WARS2: variants seen among roughly 807,000 people sequenced by gnomAD.
The protein encoded by WARS2 is tryptophan--tRNA ligase, mitochondrial.
A neutral mutation model predicts 36.5 loss-of-function variants in WARS2; 28 were observed. The ratio of observed to expected loss-of-function variants is 0.77; its 90% confidence interval spans 0.57 to 1.05. The LOEUF (loss-of-function observed/expected upper bound fraction) is 1.05, where lower values mean the gene tolerates loss of function less well. WARS2 is among the 50% of genes least tolerant of loss of function. WARS2 has a pLI of 0.00. For missense variants in WARS2, 435 were observed against 456.8 expected, an observed-to-expected ratio of 0.95 and a Z score of 0.44; for synonymous variants, 174 against 178.4, an observed-to-expected ratio of 0.98 and a Z score of 0.20.
intron 2 of WARS2, among the ~76,000 whole-genome samples, chr1:119,047,775 A>C (rs2645302): frequency 0.31 from 46,402 of 152,114 alleles, 7,931 homozygotes; most frequent in African/African-American, 0.47. Context: ...TGTGAAACCA[A>C]AAACAAACTA....
rs73013164 is a variant in WARS2 at position 119,043,454 on chromosome 1, C to T, written c.430-1105G>A. On this transcript the variant is annotated intron_variant, in intron 3 of 5. Transcript: ENST00000235521. ...TCAGTCTGAAAATACAACAGCTTCTCTCCTTAGCCATCTTAATTTTGGTGT... is the reference window on the plus strand; with the variant it reads ...TCAGTCTGAAAATACAACAGCTTCTTTCCTTAGCCATCTTAATTTTGGTGT... Among the ~76,000 whole-genome samples the T allele has an allele frequency of 7.9e-3, 1,202 of 152,312 alleles. 22 individuals are homozygous for T. Among genetic ancestry groups the T allele is most frequent in the African/African-American group, 0.027 (1,125 of 41,562 alleles).
At chr1:119,136,508 G>A (rs979754376) in intron 1 of WARS2, among the ~76,000 whole-genome samples, 9 of 152,268 alleles carry the variant, frequency 5.9e-5, no homozygotes, top group South Asian at 2.1e-4. Context: ...GTGGATCCAC[G>A]CAACACCTTT....
intron 2 of WARS2, among the ~76,000 whole-genome samples, chr1:119,051,881 C>G (rs957851265): frequency 5.6e-4 from 84 of 151,224 alleles, no homozygotes; most frequent in Non-Finnish European, 1.8e-4. Context: ...GCCTTACCCT[C>G]CCAAGTAGCT....
chr1:119,033,256 C>G lies in WARS2; in HGVS notation c.738G>C (p.Glu246Asp). 6.2e-7 allele frequency: 1 copy of G among 1,614,262 alleles called. No homozygotes were observed. The highest frequency in any genetic ancestry group is 8.5e-7 in the Non-Finnish European group (1 of 1,180,046). ...ATVRITDSPE[E>D]IVQKFRKAVT... The stretch of plus-strand genomic sequence containing the variant: ...CAGCCTTGCGGAATTTCTGCACTAT[C>G]TCCTCTGGGCTGTCTGTTATTCGGA... The change falls in exon 6 of 6, where the codon GAG (glutamate) becomes GAC (aspartate). Residue 246 changes from glutamate (E) to aspartate (D), a missense_variant. Glu to Asp is a conservative substitution (Grantham distance 45). Coordinates refer to ENST00000235521, the MANE Select transcript of WARS2 (RefSeq NM_015836.4).
At chr1:119,041,711 G>A (rs1462980417) in intron 4 of WARS2, among the ~76,000 whole-genome samples, 1 of 152,180 alleles carries the variant, frequency 6.6e-6, no homozygotes, top group African/African-American at 2.4e-5. Context: ...CTATTGGACA[G>A]CATTGCTTTA....
intron 1 of WARS2, among the ~76,000 whole-genome samples, chr1:119,078,914 G>C (rs1426539086): frequency 6.6e-6 from 1 of 151,340 alleles, no homozygotes; most frequent in African/African-American, 2.4e-5. Context: ...GTGTGTGTGT[G>C]TGTGTGCATA....
At chr1:119,114,307 G>T (rs1654829180) in intron 1 of WARS2, among the ~76,000 whole-genome samples, 1 of 152,146 alleles carries the variant, frequency 6.6e-6, no homozygotes, top group African/African-American at 2.4e-5. Context: ...GTGCCCAAAT[G>T]GAAGCTATGA....
chr1:119,044,465 T>A (rs2101126874), intron 3 of WARS2, among the ~76,000 whole-genome samples: 1 of 152,334 alleles, frequency 6.6e-6, no homozygotes, highest in South Asian at 2.1e-4. Context: ...TGAAACTTTG[T>A]TTCTAATTTG....
chr1:119,103,048 C>T (rs1653983933), intron 1 of WARS2, among the ~76,000 whole-genome samples: 1 of 152,132 alleles, frequency 6.6e-6, no homozygotes, highest in South Asian at 2.1e-4. Context: ...TCTGCTACAA[C>T]AGGTAATATT....
chr1:119,058,539 A>T, intron 2 of WARS2, among the ~76,000 whole-genome samples: 1 of 126,518 alleles, frequency 7.9e-6, no homozygotes, highest in Non-Finnish European at 1.6e-5. Flanking sequence ...ATTCCCACCT[A>T]TGAGTGAGAA....
chr1:119,084,504 A>G (rs1652472687), intron 1 of WARS2, among the ~76,000 whole-genome samples: 1 of 152,198 alleles, frequency 6.6e-6, no homozygotes, highest in African/African-American at 2.4e-5. Context: ...GAAAGAGGCC[A>G]ATCAAACAAA....
chr1:119,081,796 G>C (rs1013741367), intron 1 of WARS2, among the ~76,000 whole-genome samples: 1 of 151,946 alleles, frequency 6.6e-6, no homozygotes, highest in Non-Finnish European at 1.5e-5. Context: ...GCCTCTATTG[G>C]CAATTAAGGA....
intron 1 of WARS2, among the ~76,000 whole-genome samples, chr1:119,083,907 C>A (rs1032720674): frequency 1.3e-5 from 2 of 152,080 alleles, no homozygotes; most frequent in Admixed American, 6.5e-5. Flanking sequence ...ACTAACACAG[C>A]ATATTATTAT....
intron 1 of WARS2, among the ~76,000 whole-genome samples, chr1:119,079,381 A>G (rs1652014820): frequency 6.6e-6 from 1 of 152,126 alleles, no homozygotes; most frequent in African/African-American, 2.4e-5. Flanking sequence ...AATATATTTT[A>G]GAATCATCTT....
chr1:119,099,607 C>T (rs1437973807), intron 1 of WARS2, among the ~76,000 whole-genome samples: 1 of 152,140 alleles, frequency 6.6e-6, no homozygotes, highest in Non-Finnish European at 1.5e-5. Context: ...CTAATGTCAT[C>T]TAGTTAGTAG....
chr1:119,124,358 T>C (rs1231028465), intron 1 of WARS2, among the ~76,000 whole-genome samples: 2 of 151,940 alleles, frequency 1.3e-5, no homozygotes, highest in Admixed American at 1.3e-4. Flanking sequence ...CCAGGTATGG[T>C]GTGCGCCTGT....
chr1:119,120,335 C>A (rs887689006), intron 1 of WARS2, among the ~76,000 whole-genome samples: 3 of 151,770 alleles, frequency 2.0e-5, no homozygotes, highest in African/African-American at 7.3e-5. Context: ...AATATACAAA[C>A]TTCCTAGATT....
chr1:119,058,914 C>T (rs1650116156), intron 2 of WARS2, among the ~76,000 whole-genome samples: 1 of 151,172 alleles, frequency 6.6e-6, no homozygotes, highest in Non-Finnish European at 1.5e-5. Flanking sequence ...AACTAGTTTA[C>T]AGTCCCACCA....
At chr1:119,127,018 A>C in intron 1 of WARS2, 1 of 748,932 alleles carries the variant, frequency 1.3e-6, no homozygotes, top group South Asian at 1.4e-5. Context: ...TTTTTGCCCT[A>C]AACATCTTCA....
Sources: allele counts gnomAD v4.1 joint callset (sites outside exome capture counted in the v4.1 genomes callset), GRCh38; gene constraint gnomAD v4.1.1; transcripts MANE v1.5; gene names NCBI Gene and HGNC (gene_info 2026-07-23, HGNC 2026-07-21).